Variants in CHIC2 observed in about 807,000 individuals in gnomAD.
The protein encoded by CHIC2 is cysteine-rich hydrophobic domain-containing protein 2.
Under a neutral mutation model 25.9 loss-of-function variants are expected in CHIC2, and 14 were observed. The observed-to-expected ratio is 0.54, with a 90% CI of 0.36 to 0.85. The LOEUF (loss-of-function observed/expected upper bound fraction) is 0.85. Ranked by LOEUF, CHIC2 falls within the 40% of genes least tolerant of loss-of-function variation. The probability of loss-of-function intolerance (pLI) is 0.01; values close to 1 mark genes in which losing one functional copy is unlikely to be tolerated. For missense variants in CHIC2, 146 were observed against 202.0 expected (o/e 0.72, Z 1.68); for synonymous variants, 70 against 72.0 (o/e 0.97, Z 0.14).
chr4:54,082,327 A>G, the CHIC2 span, among the ~76,000 whole-genome samples: 1 of 152,214 alleles, frequency 6.6e-6, no homozygotes, highest in African/African-American at 2.4e-5. Context: ...AATCTGAGCA[A>G]TGCTCATGGC....
the CHIC2 span, chr4:54,087,732 T>C: frequency 1.9e-6 from 1 of 516,986 alleles, no homozygotes; most frequent in Non-Finnish European, 3.5e-6. Flanking sequence ...CATCTCTTTT[T>C]ACTGGCGGTG....
At chr4:54,031,515 G>A (rs933644197) in intron 3 of CHIC2, among the ~76,000 whole-genome samples, 5 of 151,384 alleles carry the variant, frequency 3.3e-5, no homozygotes, top group African/African-American at 1.2e-4. Context: ...GACAAACACT[G>A]AGAATAATAA....
the CHIC2 span, among the ~76,000 whole-genome samples, chr4:54,073,712 C>A: frequency 6.6e-6 from 1 of 152,058 alleles, no homozygotes; most frequent in African/African-American, 2.4e-5. Context: ...TTTAAGCTAC[C>A]AAGTTTTGGG....
the CHIC2 span, among the ~76,000 whole-genome samples, chr4:54,074,126 C>T: frequency 1.3e-5 from 2 of 152,112 alleles, no homozygotes; most frequent in East Asian, 3.9e-4. Flanking sequence ...CCACTGCACT[C>T]CAGTCCGGGT....
At chr4:54,025,330 AC>A (rs1716025214) in intron 3 of CHIC2, among the ~76,000 whole-genome samples, 1 of 151,326 alleles carries the variant, frequency 6.6e-6, no homozygotes, top group African/African-American at 2.4e-5. Flanking sequence ...AATTCTCCCC[AC>A]CCTTGAGAAT....
intron 3 of CHIC2, among the ~76,000 whole-genome samples, chr4:54,033,547 G>C (rs981633445): frequency 3.9e-5 from 6 of 152,054 alleles, no homozygotes; most frequent in African/African-American, 1.2e-4. Context: ...CAATTTGTCT[G>C]GTGTTCTTTT....
At chr4:54,070,414 TTATG>T in the CHIC2 span, among the ~76,000 whole-genome samples, 12 of 143,492 alleles carry the variant, frequency 8.4e-5, no homozygotes, top group South Asian at 2.3e-3. Context: ...ATTTATGTAT[TTATG>T]TATTTATTTA....
At chr4:54,011,742 T>C (rs1482583238) in intron 5 of CHIC2, among the ~76,000 whole-genome samples, 1 of 151,964 alleles carries the variant, frequency 6.6e-6, no homozygotes, top group African/African-American at 2.4e-5. Context: ...AAGCCACACA[T>C]AGAGACTGGC....
the CHIC2 span, among the ~76,000 whole-genome samples, chr4:54,090,320 C>T: frequency 3.0e-3 from 451 of 152,132 alleles, no homozygotes; most frequent in Middle Eastern, 6.8e-3. Flanking sequence ...CAAGTAGCTG[C>T]GGCTACAGGC....
chr4:54,045,875 T>C (rs1273318309), intron 3 of CHIC2, among the ~76,000 whole-genome samples: 3 of 151,718 alleles, frequency 2.0e-5, no homozygotes, highest in Non-Finnish European at 4.4e-5. Context: ...TGTTTGCAGA[T>C]GACATGATTG....
intron 3 of CHIC2, among the ~76,000 whole-genome samples, chr4:54,047,587 G>A (rs1033730212): frequency 2.4e-4 from 36 of 148,684 alleles, no homozygotes; most frequent in African/African-American, 8.9e-4. Flanking sequence ...CTCATAGGTG[G>A]GAATTGAACA....
At chr4:54,085,019 T>TAAACACTGA in the CHIC2 span, among the ~76,000 whole-genome samples, 1 of 139,500 alleles carries the variant, frequency 7.2e-6, no homozygotes, top group South Asian at 2.4e-4. Context: ...TGTGAAAAGC[T>TAAACACTGA]AAACACTGAA....
the CHIC2 span, among the ~76,000 whole-genome samples, chr4:54,077,261 A>C: frequency 2.6e-5 from 4 of 152,222 alleles, no homozygotes; most frequent in Non-Finnish European, 4.4e-5. Context: ...TAGAGAATGA[A>C]GACAATATTC....
intron 3 of CHIC2, among the ~76,000 whole-genome samples, chr4:54,029,295 C>T (rs764198818): frequency 2.0e-5 from 3 of 152,144 alleles, no homozygotes; most frequent in Non-Finnish European, 2.9e-5. Context: ...AAGTCTATCA[C>T]TGTACATTAG....
At chr4:54,084,448 A>G in the CHIC2 span, among the ~76,000 whole-genome samples, 1 of 152,044 alleles carries the variant, frequency 6.6e-6, no homozygotes, top group African/African-American at 2.4e-5. Flanking sequence ...TATTAGGCCC[A>G]TATTGTTTGG....
At chr4:54,040,035 A>T (rs911098460) in intron 3 of CHIC2, among the ~76,000 whole-genome samples, 1 of 152,186 alleles carries the variant, frequency 6.6e-6, no homozygotes, top group African/African-American at 2.4e-5. Context: ...AGGGTTTAAG[A>T]GTTGACGAGG....
intron 1 of CHIC2, among the ~76,000 whole-genome samples, chr4:54,052,241 A>G (rs895788846): frequency 8.5e-5 from 13 of 152,184 alleles, no homozygotes; most frequent in Non-Finnish European, 1.6e-4. Flanking sequence ...TTGATAATAT[A>G]ACTGTAAAAT....
chr4:54,073,940 A>G, the CHIC2 span, among the ~76,000 whole-genome samples: 1 of 152,294 alleles, frequency 6.6e-6, no homozygotes, highest in African/African-American at 2.4e-5. Flanking sequence ...GCAGATCACA[A>G]GGTCAAGAGA....
chr4:54,063,463 G>A (rs1717398138), intron 1 of CHIC2, among the ~76,000 whole-genome samples: 1 of 152,136 alleles, frequency 6.6e-6, no homozygotes, highest in Non-Finnish European at 1.5e-5. Context: ...GACTTTTAAT[G>A]TTACTAGTGG....
Sources: allele counts gnomAD v4.1 joint callset (sites outside exome capture counted in the v4.1 genomes callset), GRCh38; gene constraint gnomAD v4.1.1; transcripts MANE v1.5; gene names NCBI Gene and HGNC (gene_info 2026-07-23, HGNC 2026-07-21).